The following MAST4 variants were observed in gnomAD, a reference collection of about 807,000 sequenced individuals.
MAST4 encodes the protein microtubule-associated serine/threonine-protein kinase 4.
In MAST4, 89 loss-of-function variants were observed where a neutral mutation model predicts 162.7. The observed-to-expected ratio is 0.55, with a 90% CI of 0.46 to 0.65. The LOEUF (loss-of-function observed/expected upper bound fraction) is 0.65. Ranked by LOEUF, MAST4 falls within the 30% of genes least tolerant of loss-of-function variation. The probability of loss-of-function intolerance (pLI) is 0.00; values close to 1 mark genes in which losing one functional copy is unlikely to be tolerated. For missense variants in MAST4, 3,153 were observed against 3,374.0 expected, an observed-to-expected ratio of 0.93 and a Z score of 1.62; for synonymous variants, 1,479 against 1,361.1, an observed-to-expected ratio of 1.09 and a Z score of -1.91.
At chr5:67,135,988 G>GT (rs565242210) in intron 18 of MAST4, among the ~76,000 whole-genome samples, 3 of 151,246 alleles carry the variant, frequency 2.0e-5, no homozygotes, top group South Asian at 2.1e-4. Flanking sequence ...ATTACTTTGG[G>GT]TTTTTTTTTC....
intron 3 of MAST4, among the ~76,000 whole-genome samples, chr5:66,867,202 A>G (rs1233867961): frequency 1.3e-5 from 2 of 152,200 alleles, no homozygotes; most frequent in African/African-American, 4.8e-5. Context: ...CTAAAATTAT[A>G]GATATACTTA....
intron 3 of MAST4, among the ~76,000 whole-genome samples, chr5:66,834,317 G>C (rs1460273971): frequency 6.6e-6 from 1 of 152,140 alleles, no homozygotes; most frequent in African/African-American, 2.4e-5. Context: ...ACCCGGAGAC[G>C]CGAAGACGTG....
At chr5:67,049,764 C>T (rs1414356407) in intron 4 of MAST4, among the ~76,000 whole-genome samples, 1 of 152,164 alleles carries the variant, frequency 6.6e-6, no homozygotes, top group African/African-American at 2.4e-5. Context: ...GGGGTTTCCT[C>T]TCTTCATTTT....
intron 1 of MAST4, among the ~76,000 whole-genome samples, chr5:66,759,228 A>G (rs982475452): frequency 1.3e-5 from 2 of 152,242 alleles, no homozygotes; most frequent in Non-Finnish European, 2.9e-5. Flanking sequence ...GTAACCCACT[A>G]AAGAGAGTGA....
intron 4 of MAST4, among the ~76,000 whole-genome samples, chr5:67,048,705 T>TG: frequency 6.6e-6 from 1 of 152,060 alleles, no homozygotes; most frequent in Admixed American, 6.6e-5. Context: ...TTATTATGGA[T>TG]GGGAATCATT....
intron 1 of MAST4, among the ~76,000 whole-genome samples, chr5:66,643,550 A>G (rs1030550895): frequency 1.3e-5 from 2 of 152,178 alleles, no homozygotes; most frequent in African/African-American, 4.8e-5. Flanking sequence ...ATTGTTGTGC[A>G]GAGGACAGAT....
chr5:66,703,450 C>T (rs956403453), intron 1 of MAST4, among the ~76,000 whole-genome samples: 1 of 152,020 alleles, frequency 6.6e-6, no homozygotes, highest in African/African-American at 2.4e-5. Context: ...TCGGTGGGAG[C>T]ATGGGGGTGT....
intron 4 of MAST4, among the ~76,000 whole-genome samples, chr5:67,046,199 C>G (rs529482018): frequency 6.6e-6 from 1 of 152,086 alleles, no homozygotes; most frequent in East Asian, 1.9e-4. Context: ...TGCATGAGGA[C>G]AAAATAGCCT....
At chr5:66,677,062 T>C (rs566335841) in intron 1 of MAST4, among the ~76,000 whole-genome samples, 1 of 152,330 alleles carries the variant, frequency 6.6e-6, no homozygotes, top group East Asian at 1.9e-4. Flanking sequence ...AATAGACATT[T>C]ATTGAGTGCC....
chr5:66,759,675 C>A, intron 1 of MAST4, 34 bp from the exon 2 acceptor site: 2 of 1,611,532 alleles, frequency 1.2e-6, no homozygotes, highest in African/African-American at 1.3e-5. Flanking sequence ...TGTTGATGCC[C>A]TAGCCAGTGA....
At position 67,149,415 on chromosome 5, in the gene MAST4, C is replaced by T; in HGVS notation, c.3121C>T (p.Gln1041Ter). ...TGGCAGTTTTTCAGAGCACTTGGAT[C>T]AGATAAATGGACGAAGCGAGTGTGT... ...SVGSFSEHLD[Q>*]INGRSECVDS... Residue 1041 changes from glutamine (Q) to a stop codon, truncating the protein, a stop_gained, in exon 24 of 29, where the codon CAG (glutamine) becomes TAG (stop). Transcript: ENST00000403625. LOFTEE classifies it high-confidence loss of function. 1.2e-6 allele frequency: 2 copies of T among 1,613,228 alleles called. No individual in the cohort carries two copies. The highest frequency in any genetic ancestry group is 1.7e-6 in the Non-Finnish European group (2 of 1,179,604).
chr5:66,772,345 G>GT (rs1048551391), intron 2 of MAST4, among the ~76,000 whole-genome samples: 1 of 151,882 alleles, frequency 6.6e-6, no homozygotes, highest in African/African-American at 2.4e-5. Flanking sequence ...TTCAATTTAT[G>GT]TTTTTTTAAG....
intron 4 of MAST4, among the ~76,000 whole-genome samples, chr5:67,049,887 T>G (rs1476127345): frequency 3.9e-5 from 6 of 152,180 alleles, no homozygotes; most frequent in Admixed American, 6.5e-5. Flanking sequence ...CCTGGTGGGC[T>G]TCACAGCTTT....
chr5:67,165,925 T>C lies in MAST4; in HGVS notation c.6746T>C (p.Val2249Ala). Residue 2249 changes from valine (V) to alanine (A), a missense_variant, in exon 29 of 29, where the codon GTG becomes GCG. By Grantham distance (64) the Val-to-Ala change is moderately conservative (BLOSUM62 0). Coordinates refer to ENST00000403625, the MANE Select transcript of MAST4 (RefSeq NM_001164664.2). Reference sequence around the variant, plus strand: ...GGCCACAGTAAGAGTGGGCCGGATGTGTTTCCTGCTACCCCAGGCTCCCAG... The same window carrying C: ...GGCCACAGTAAGAGTGGGCCGGATGCGTTTCCTGCTACCCCAGGCTCCCAG... ...GKGHSKSGPDVFPATPGSQNK... is the reference protein window; with the variant it reads ...GKGHSKSGPDAFPATPGSQNK... 1 of 1,613,304 alleles carries C rather than the reference T, an allele frequency of 6.2e-7. No individual in the cohort carries two copies. The highest frequency in any genetic ancestry group is 8.5e-7 in the Non-Finnish European group (1 of 1,179,830).
At chr5:66,894,028 G>A (rs1762525205) in intron 3 of MAST4, among the ~76,000 whole-genome samples, 1 of 152,146 alleles carries the variant, frequency 6.6e-6, no homozygotes, top group African/African-American at 2.4e-5. Context: ...GCTTTGTCAA[G>A]TAGTGAGAAC....
intron 4 of MAST4, among the ~76,000 whole-genome samples, chr5:67,021,246 C>T (rs1223728611): frequency 6.6e-6 from 1 of 152,060 alleles, no homozygotes; most frequent in Non-Finnish European, 1.5e-5. Context: ...TCTTCATGGC[C>T]CCCACACCCT....
intron 6 of MAST4, among the ~76,000 whole-genome samples, chr5:67,092,706 T>C (rs142227335): frequency 4.9e-4 from 75 of 152,324 alleles, no homozygotes; most frequent in African/African-American, 1.7e-3. Flanking sequence ...TCCCTAGTTA[T>C]TATGCACTAG....
intron 3 of MAST4, among the ~76,000 whole-genome samples, chr5:66,866,035 A>G (rs1760491984): frequency 6.9e-6 from 1 of 145,102 alleles, no homozygotes; most frequent in African/African-American, 2.6e-5. Flanking sequence ...AGATCGCACC[A>G]CCACACTCCA....
intron 3 of MAST4, among the ~76,000 whole-genome samples, chr5:66,811,552 C>T (rs375951443): frequency 6.6e-6 from 1 of 152,184 alleles, no homozygotes; most frequent in Non-Finnish European, 1.5e-5. Flanking sequence ...CATTTCCGAG[C>T]TGGGGAAAGC....
Sources: allele counts gnomAD v4.1 joint callset (sites outside exome capture counted in the v4.1 genomes callset), GRCh38; gene constraint gnomAD v4.1.1; transcripts MANE v1.5; gene names NCBI Gene and HGNC (gene_info 2026-07-23, HGNC 2026-07-21).